The following MEGF11 variants were observed in gnomAD, a reference collection of about 807,000 sequenced individuals.
The protein encoded by MEGF11 is multiple epidermal growth factor-like domains protein 11.
Under a neutral mutation model 146.6 loss-of-function variants are expected in MEGF11, and 126 were observed. That is an observed-to-expected ratio of 0.86 (90% CI 0.74 to 1.00). The LOEUF is 1.00. Ranked by LOEUF, MEGF11 falls within the 50% of genes least tolerant of loss-of-function variation. The pLI is 0.00. For missense variants in MEGF11, 1,509 were observed against 1,521.2 expected (o/e 0.99, Z 0.13); for synonymous variants, 532 against 583.4 (o/e 0.91, Z 1.27).
At chr15:65,941,324 A>G (rs937161205) in intron 10 of MEGF11, among the ~76,000 whole-genome samples, 2 of 151,932 alleles carry the variant, frequency 1.3e-5, no homozygotes, top group Non-Finnish European at 2.9e-5. Context: ...GCTGAGGCAC[A>G]AGAATAGCCT....
chr15:66,248,656 G>A (rs1296885841), intron 1 of MEGF11, among the ~76,000 whole-genome samples: 1 of 152,138 alleles, frequency 6.6e-6, no homozygotes, highest in Admixed American at 6.5e-5. Context: ...TACTGACCAG[G>A]TCCTTCTCCA....
At chr15:66,185,976 C>A (rs2090687037) in intron 1 of MEGF11, among the ~76,000 whole-genome samples, 2 of 152,236 alleles carry the variant, frequency 1.3e-5, no homozygotes, top group South Asian at 4.1e-4. Context: ...CATCATTTCC[C>A]TGCCTGAATC....
chr15:65,985,007 G>A (rs1028002224), intron 5 of MEGF11, among the ~76,000 whole-genome samples: 4 of 151,958 alleles, frequency 2.6e-5, no homozygotes, highest in Non-Finnish European at 4.4e-5. Flanking sequence ...GACCTCAGGT[G>A]ATCCACCTGC....
chr15:65,915,644 C>T, intron 18 of MEGF11, 46 bp from the exon 19 acceptor site: 1 of 1,598,528 alleles, frequency 6.3e-7, no homozygotes, highest in Non-Finnish European at 8.5e-7. Flanking sequence ...TCACTCTCCA[C>T]CCCTCCCCTT....
At chr15:65,916,479 AG>A in intron 17 of MEGF11, 1 of 725,750 alleles carries the variant, frequency 1.4e-6, no homozygotes. Flanking sequence ...TCCAAGACAG[AG>A]GGGCCTTGGA....
At chr15:66,153,250 C>A (rs758882741) in intron 1 of MEGF11, among the ~76,000 whole-genome samples, 6 of 152,174 alleles carry the variant, frequency 3.9e-5, no homozygotes, top group African/African-American at 1.4e-4. Flanking sequence ...TCAAGGCAAG[C>A]TCTCCATGGC....
At chr15:65,962,283 C>A (rs540345498) in intron 9 of MEGF11, among the ~76,000 whole-genome samples, 1 of 152,170 alleles carries the variant, frequency 6.6e-6, no homozygotes, top group Non-Finnish European at 1.5e-5. Flanking sequence ...AAGCGCAGCA[C>A]GAGAGAGTTC....
chr15:66,133,470 C>T (rs1484034131), intron 1 of MEGF11, among the ~76,000 whole-genome samples: 2 of 152,224 alleles, frequency 1.3e-5, no homozygotes, highest in African/African-American at 2.4e-5. Flanking sequence ...AGAAGATACA[C>T]ACACACTTCT....
chr15:66,195,015 G>GA (rs138826415), intron 1 of MEGF11, among the ~76,000 whole-genome samples: 3,305 of 146,606 alleles, frequency 0.023, 127 homozygotes, highest in African/African-American at 0.076. Context: ...CATTGTCCTT[G>GA]AAAAAAAAAA....
At chr15:65,922,233 A>G in intron 15 of MEGF11, 105 bp downstream of exon 15, 1 of 1,396,168 alleles carries the variant, frequency 7.2e-7, no homozygotes, top group Non-Finnish European at 9.8e-7. Flanking sequence ...GGAAGGAGCT[A>G]CCTCCATAGC....
At chr15:66,143,744 A>G (rs2089261115) in intron 1 of MEGF11, among the ~76,000 whole-genome samples, 1 of 152,152 alleles carries the variant, frequency 6.6e-6, no homozygotes. Flanking sequence ...TGTTTTCACC[A>G]GCCCTGTCTC....
At chr15:66,156,622 G>A (rs1301641206) in intron 1 of MEGF11, among the ~76,000 whole-genome samples, 1 of 151,872 alleles carries the variant, frequency 6.6e-6, no homozygotes, top group Non-Finnish European at 1.5e-5. Flanking sequence ...CCTTGGTTTG[G>A]AGCCTTCTTT....
chr15:65,994,648 G>A (rs906088465), intron 5 of MEGF11, among the ~76,000 whole-genome samples: 1 of 152,198 alleles, frequency 6.6e-6, no homozygotes, highest in Non-Finnish European at 1.5e-5. Context: ...CCAGAAGGGG[G>A]CCGTGGGCCA....
intron 4 of MEGF11, among the ~76,000 whole-genome samples, chr15:66,103,394 C>A (rs2086913936): frequency 6.6e-6 from 1 of 152,214 alleles, no homozygotes; most frequent in African/African-American, 2.4e-5. Flanking sequence ...AGTTACATAA[C>A]CTCTCTGTGT....
chr15:66,155,260 C>T (rs2089715605), intron 1 of MEGF11, among the ~76,000 whole-genome samples: 2 of 152,258 alleles, frequency 1.3e-5, no homozygotes, highest in East Asian at 1.9e-4. Flanking sequence ...TGATGCCCCC[C>T]ACCCCCCGCT....
At chr15:66,027,088 T>G (rs1214101466) in intron 5 of MEGF11, among the ~76,000 whole-genome samples, 1 of 152,196 alleles carries the variant, frequency 6.6e-6, no homozygotes, top group Non-Finnish European at 1.5e-5. Context: ...CAGTGGGCAC[T>G]GGACACGCTA....
At chr15:66,149,284 C>A (rs2089478757) in intron 1 of MEGF11, among the ~76,000 whole-genome samples, 1 of 152,184 alleles carries the variant, frequency 6.6e-6, no homozygotes, top group Non-Finnish European at 1.5e-5. Flanking sequence ...AGTCATAACC[C>A]CAGACAGTCT....
intron 3 of MEGF11, 144 bp from the exon 4 acceptor site, chr15:66,119,330 A>T: frequency 4.7e-6 from 3 of 640,644 alleles, no homozygotes; most frequent in Non-Finnish European, 5.4e-6. Context: ...AAGGAACACA[A>T]TAAAAAAATC....
chr15:66,212,169 C>CCT (rs547262067), intron 1 of MEGF11, among the ~76,000 whole-genome samples: 243 of 152,076 alleles, frequency 1.6e-3, no homozygotes, highest in African/African-American at 5.8e-3. Flanking sequence ...CAAGAGCAAG[C>CCT]CTCTCCAGGG....
Sources: allele counts gnomAD v4.1 joint callset (sites outside exome capture counted in the v4.1 genomes callset), GRCh38; gene constraint gnomAD v4.1.1; transcripts MANE v1.5; gene names NCBI Gene and HGNC (gene_info 2026-07-23, HGNC 2026-07-21).